NYX: variants seen among roughly 807,000 people sequenced by gnomAD.
NYX encodes nyctalopin.
For synonymous variants in NYX, 258 were observed against 245.7 expected, an observed-to-expected ratio of 1.05 and a Z score of -0.47; for missense variants, 481 against 485.4, an observed-to-expected ratio of 0.99 and a Z score of 0.09.
At position 41,474,380 on chromosome X, in the gene NYX, C is replaced by T; in HGVS notation, c.912C>T (p.Leu304=). The change falls in exon 3 of 3, where the codon CTC becomes CTT. Residue 304 remains leucine (L), a synonymous_variant. Transcript: ENST00000378220. ...TCTCGGGTCTCCTCGCGCTGCACCT[C>T]AACGGCAACCGCCTCACCGTGCTCG... ...QNLSGLLALH[L]NGNRLTVLAW... is the part of the protein sequence containing the mutation. The T allele has an allele frequency of 8.3e-7, 1 of 1,207,982 alleles. No individual in the cohort carries two copies. The highest frequency in any genetic ancestry group is 1.1e-6 in the Non-Finnish European group (1 of 895,474).
chrX:41,470,803 T>C lies in NYX; in HGVS notation c.23-2688T>C, dbSNP rs181415525. ...CACATCTCAATTTGGGTTGGCCACA[T>C]TTCAAATGCTCAGTAGCCCACGGGG... On this transcript the variant is annotated intron_variant, in intron 2 of 2. Coordinates refer to ENST00000378220, the MANE Select transcript of NYX (RefSeq NM_001378477.3). Among the ~76,000 whole-genome samples the C allele has an allele frequency of 2.2e-3, 239 of 111,007 alleles. 1 individual carries two copies. Among genetic ancestry groups the C allele is most frequent in the African/African-American group, 7.4e-3 (226 of 30,586 alleles).
chrX:41,472,466 C>T (rs1338950735), intron 2 of NYX: 5 of 875,688 alleles, frequency 5.7e-6, no homozygotes, highest in Non-Finnish European at 8.3e-6. Flanking sequence ...GTAACGATCC[C>T]GAAGGGCGGC....
At chrX:41,460,109 A>G (rs769612813) in intron 2 of NYX, among the ~76,000 whole-genome samples, 1 of 109,386 alleles carries the variant, frequency 9.1e-6, no homozygotes, top group Non-Finnish European at 1.9e-5. Context: ...CATTTCTCTG[A>G]TGGCTAATGA....
intron 2 of NYX, among the ~76,000 whole-genome samples, chrX:41,458,130 A>G (rs754910319): frequency 1.8e-5 from 2 of 111,295 alleles, no homozygotes; most frequent in African/African-American, 6.5e-5. Flanking sequence ...TAATTCCTTC[A>G]TGAGAGCAGA....
At chrX:41,461,078 A>C (rs2064317727) in intron 2 of NYX, among the ~76,000 whole-genome samples, 1 of 105,573 alleles carries the variant, frequency 9.5e-6, no homozygotes, top group African/African-American at 3.5e-5. Context: ...TACATGAGTA[A>C]GTTCTTTAGT....
chrX:41,472,152 T>C (rs2064363356), intron 2 of NYX: 3 of 407,420 alleles, frequency 7.4e-6, no homozygotes, highest in Non-Finnish European at 1.3e-5. Flanking sequence ...GGCTCAAAAT[T>C]CCAAGGGAGC....
intron 2 of NYX, among the ~76,000 whole-genome samples, chrX:41,459,660 C>T (rs903230660): frequency 1.8e-5 from 2 of 110,579 alleles, no homozygotes; most frequent in African/African-American, 3.3e-5. Context: ...AAAAAGTCAT[C>T]GTATAGTATG....
At chrX:41,464,290 C>T (rs2064330870) in intron 2 of NYX, among the ~76,000 whole-genome samples, 1 of 110,740 alleles carries the variant, frequency 9.0e-6, no homozygotes. Flanking sequence ...GGATTACAGG[C>T]ACATGCCACC....
At chrX:41,450,293 T>C (rs1331934268) in intron 2 of NYX, among the ~76,000 whole-genome samples, 1 of 112,325 alleles carries the variant, frequency 8.9e-6, no homozygotes, top group Non-Finnish European at 1.9e-5. Flanking sequence ...TGTGTTTCTT[T>C]TGAGACAGGG....
rs907013708 is a variant in NYX, at chrX:41,450,167, T to G, written c.22+2241T>G. ...ATGTTAACCCCTGGGGTCTTCCCGC[T>G]GTTCACAGCATAATATCTGAAACCC... On this transcript the variant is annotated intron_variant, in intron 2 of 2. Transcript: ENST00000378220. Among the ~76,000 whole-genome samples, 3 of 112,480 alleles carry G rather than the reference T, an allele frequency of 2.7e-5. No individual in the cohort carries two copies. In the East Asian group the frequency reaches 8.3e-4, roughly 31 times the overall value.
intron 2 of NYX, among the ~76,000 whole-genome samples, chrX:41,452,641 G>A (rs1477647978): frequency 3.6e-5 from 4 of 111,293 alleles, no homozygotes; most frequent in East Asian, 2.8e-4. Flanking sequence ...ATTTAGGCCC[G>A]GAGGCCTTTC....
intron 2 of NYX, among the ~76,000 whole-genome samples, chrX:41,453,552 T>G (rs2064288877): frequency 9.2e-6 from 1 of 108,716 alleles, no homozygotes; most frequent in African/African-American, 3.4e-5. Flanking sequence ...GCCTCCCAGG[T>G]TCAAGCTATT....
In NYX at chrX:41,447,897, G is replaced by A; in HGVS notation, c.-8G>A. The A allele has an allele frequency of 8.3e-7, 1 of 1,211,010 alleles. No homozygotes were observed. The highest frequency in any genetic ancestry group is 1.1e-6 in the Non-Finnish European group (1 of 895,176). ...TCCTAAGCCACTGGGTGGATGAAAG[G>A]CCGAGGGATGTTGGTCCTGCTTCTG... On this transcript the variant is annotated 5_prime_UTR_variant, in exon 2 of 3. Coordinates refer to ENST00000378220, the MANE Select transcript of NYX (RefSeq NM_001378477.3).
intron 2 of NYX, among the ~76,000 whole-genome samples, chrX:41,470,550 C>G (rs1330894151): frequency 9.2e-6 from 1 of 109,069 alleles, no homozygotes; most frequent in Admixed American, 9.9e-5. Context: ...AAAAATTAGC[C>G]GGGTGTGGTG....
At position 41,474,911 on chromosome X, in the gene NYX, G is replaced by C. The variant is rs367952714; in HGVS notation, c.*12G>C. On this transcript the variant is annotated 3_prime_UTR_variant, in exon 3 of 3. Coordinates refer to ENST00000378220, the MANE Select transcript of NYX (RefSeq NM_001378477.3). ...TGCAGATGGACTGACCTGGCCAGAG[G>C]GGGGAAAGTTTGCTTAACTGGGCTT... is the stretch of plus-strand genomic sequence containing the variant. The C allele has an allele frequency of 3.4e-6, 4 of 1,185,333 alleles. No individual in the cohort carries two copies. Among genetic ancestry groups the C allele is most frequent in the Non-Finnish European group, 4.6e-6 (4 of 877,665 alleles).
rs768210485 is a variant in NYX at position 41,472,860 on chromosome X, G to A, written c.23-631G>A. Among the ~76,000 whole-genome samples the A allele has an allele frequency of 5.4e-5, 6 of 111,773 alleles. No individual in the cohort carries two copies. In the East Asian group the frequency reaches 1.4e-3, roughly 26 times the overall value. ...GTCGCCCAGGCTAGAGTGCTGTGGCGTGATCTCAGCTCACTGGAACCTCCG... is the reference window on the plus strand; with the variant it reads ...GTCGCCCAGGCTAGAGTGCTGTGGCATGATCTCAGCTCACTGGAACCTCCG... On this transcript the variant is annotated intron_variant, in intron 2 of 2. Transcript: ENST00000378220.
chrX:41,469,275 G>A (rs2064350990), intron 2 of NYX, among the ~76,000 whole-genome samples: 1 of 111,405 alleles, frequency 9.0e-6, no homozygotes, highest in Non-Finnish European at 1.9e-5. Context: ...AGGCAAGGCC[G>A]GGTAATGTGT....
At chrX:41,457,947 G>A in intron 2 of NYX, among the ~76,000 whole-genome samples, 1 of 111,239 alleles carries the variant, frequency 9.0e-6, no homozygotes, top group Non-Finnish European at 1.9e-5. Flanking sequence ...AATTTATAAA[G>A]AACAGATATT....
rs2064383638 is a variant in NYX, at chrX:41,474,759, G to T, written c.1291G>T (p.Gly431Trp). 1 of 1,193,230 alleles carries T rather than the reference G, an allele frequency of 8.4e-7. No individual in the cohort carries two copies. The highest frequency in any genetic ancestry group is 1.1e-6 in the Non-Finnish European group (1 of 887,413). ...PVEEAANTTGGLANASLSDSL... is the reference protein window; with the variant it reads ...PVEEAANTTGWLANASLSDSL... ...GGAGGAGGCGGCCAACACCACTGGG[G>T]GGCTGGCCAACGCCTCCCTGTCCGA... Residue 431 changes from glycine (G) to tryptophan (W), a missense_variant, in exon 3 of 3, where the codon GGG becomes TGG. By Grantham distance (184) the Gly-to-Trp change is radical. Transcript: ENST00000378220.
Sources: gnomAD v4.1 joint callset for allele counts (sites outside exome capture counted in the v4.1 genomes callset) on GRCh38, gnomAD v4.1.1 for gene constraint, MANE v1.5 for transcripts, NCBI Gene and HGNC (gene_info 2026-07-23, HGNC 2026-07-21) for gene names.